The following FSTL5 variants were observed in gnomAD, a reference collection of about 807,000 sequenced individuals.
The protein encoded by FSTL5 is follistatin like 5, also known as follistatin-related protein 5.
A neutral mutation model predicts 89.1 loss-of-function variants in FSTL5; 62 were observed. The observed-to-expected ratio is 0.70, with a 90% CI of 0.57 to 0.86. The LOEUF is 0.86. FSTL5 is among the 40% of genes least tolerant of loss of function. FSTL5 has a pLI of 0.00. For synonymous variants in FSTL5, 383 were observed against 346.2 expected (o/e 1.11, Z -1.18); for missense variants, 1,057 against 1,001.6 (o/e 1.06, Z -0.75).
At chr4:161,736,772 G>A (rs1739831519) in intron 6 of FSTL5, among the ~76,000 whole-genome samples, 1 of 152,002 alleles carries the variant, frequency 6.6e-6, no homozygotes, top group African/African-American at 2.4e-5. Context: ...CTCTGTATGG[G>A]GTTAAATTGT....
chr4:161,525,747 C>T (rs893582856), intron 10 of FSTL5, among the ~76,000 whole-genome samples: 14 of 152,198 alleles, frequency 9.2e-5, no homozygotes, highest in East Asian at 1.9e-4. Context: ...GGCAGTAAAA[C>T]GAACACTACT....
intron 7 of FSTL5, among the ~76,000 whole-genome samples, chr4:161,597,920 C>T (rs371496086): frequency 7.9e-5 from 12 of 152,058 alleles, no homozygotes; most frequent in East Asian, 3.9e-4. Context: ...ATACAACATA[C>T]GACATGAACA....
intron 2 of FSTL5, among the ~76,000 whole-genome samples, chr4:162,089,632 CAAAAAAAA>C (rs755573032): frequency 2.3e-5 from 1 of 42,582 alleles, no homozygotes; most frequent in Admixed American, 2.6e-4. Context: ...GAATCTGTCT[CAAAAAAAA>C]AAAAAAAAAA....
At chr4:162,006,665 A>T (rs1736625856) in intron 3 of FSTL5, among the ~76,000 whole-genome samples, 1 of 151,934 alleles carries the variant, frequency 6.6e-6, no homozygotes, top group African/African-American at 2.4e-5. Flanking sequence ...CTAAATAGCT[A>T]AATATTTAAT....
chr4:161,586,884 A>C (rs1733635005), intron 8 of FSTL5, among the ~76,000 whole-genome samples: 1 of 152,194 alleles, frequency 6.6e-6, no homozygotes, highest in Non-Finnish European at 1.5e-5. Context: ...ATATGTTACA[A>C]TAAATTATGG....
At chr4:161,875,458 C>T (rs934852429) in intron 4 of FSTL5, among the ~76,000 whole-genome samples, 6 of 152,144 alleles carry the variant, frequency 3.9e-5, no homozygotes, top group Non-Finnish European at 8.8e-5. Flanking sequence ...TGGCTGCTTT[C>T]TGCAACCAAT....
rs1052772658 is a variant in FSTL5, at chr4:161,638,423, C to G, written c.894+17905G>C. On this transcript the variant is annotated intron_variant, in intron 7 of 15. Transcript: ENST00000306100. ...TGTCGTCTGCAAACAGGGACAATTT[C>G]ACTTCCTCTTTTCCTAATTGAATAC... is the stretch of plus-strand genomic sequence containing the variant. Among the ~76,000 whole-genome samples the G allele has an allele frequency of 1.4e-4, 22 of 152,168 alleles. No individual in the cohort carries two copies. The East Asian group carries it at 1.7e-3, about 12-fold the overall frequency.
intron 1 of FSTL5, among the ~76,000 whole-genome samples, chr4:162,141,660 G>A (rs137945115): frequency 0.027 from 4,098 of 152,296 alleles, 70 homozygotes; most frequent in Non-Finnish European, 0.042. Context: ...AATTCTGCAG[G>A]ACAAGCATGT....
intron 6 of FSTL5, among the ~76,000 whole-genome samples, chr4:161,672,381 C>T (rs1737147331): frequency 2.0e-5 from 3 of 152,122 alleles, no homozygotes; most frequent in Non-Finnish European, 2.9e-5. Flanking sequence ...AGGAAGACAA[C>T]GCCCCATCTC....
chr4:161,456,923 G>A (rs1156831676), intron 14 of FSTL5, among the ~76,000 whole-genome samples: 3 of 152,136 alleles, frequency 2.0e-5, no homozygotes, highest in East Asian at 1.9e-4. Flanking sequence ...ACATTCTAGA[G>A]TAATGATGAT....
At chr4:161,658,703 C>CT (rs1371388211) in intron 6 of FSTL5, among the ~76,000 whole-genome samples, 2 of 152,070 alleles carry the variant, frequency 1.3e-5, no homozygotes, top group Non-Finnish European at 2.9e-5. Context: ...GTGTTCATGT[C>CT]TTTTTTAATG....
At chr4:161,743,532 G>C (rs1203789489) in intron 6 of FSTL5, among the ~76,000 whole-genome samples, 2 of 151,862 alleles carry the variant, frequency 1.3e-5, no homozygotes, top group African/African-American at 2.4e-5. Context: ...GGCTATGTAG[G>C]ACTCCATGCG....
intron 3 of FSTL5, among the ~76,000 whole-genome samples, chr4:161,947,291 T>C (rs941779412): frequency 1.3e-5 from 2 of 150,356 alleles, no homozygotes; most frequent in Non-Finnish European, 3.0e-5. Context: ...TGTTGCTTTT[T>C]GTGTGCTATG....
chr4:161,501,781 T>C (rs1487907078), intron 11 of FSTL5, among the ~76,000 whole-genome samples: 1 of 151,984 alleles, frequency 6.6e-6, no homozygotes, highest in Non-Finnish European at 1.5e-5. Flanking sequence ...ATAATCATAG[T>C]TGTGTTTAAA....
At chr4:161,860,067 T>A (rs1212164129) in intron 4 of FSTL5, among the ~76,000 whole-genome samples, 1 of 152,142 alleles carries the variant, frequency 6.6e-6, no homozygotes, top group East Asian at 1.9e-4. Context: ...GGTGGGCGGA[T>A]CACAAGGTCA....
intron 4 of FSTL5, among the ~76,000 whole-genome samples, chr4:161,798,698 T>G (rs1729706055): frequency 6.6e-6 from 1 of 151,796 alleles, no homozygotes; most frequent in South Asian, 2.1e-4. Context: ...CACTGATTTT[T>G]ACTTCCAACA....
intron 6 of FSTL5, among the ~76,000 whole-genome samples, chr4:161,698,963 C>T (rs1188907969): frequency 6.6e-6 from 1 of 151,514 alleles, no homozygotes; most frequent in Non-Finnish European, 1.5e-5. Context: ...CAAAACAAAA[C>T]AAAACAAAAC....
chr4:162,056,529 G>T (rs1738548844), intron 2 of FSTL5, among the ~76,000 whole-genome samples: 1 of 152,024 alleles, frequency 6.6e-6, no homozygotes, highest in Non-Finnish European at 1.5e-5. Flanking sequence ...CGGTATATTT[G>T]TAAATGGGAT....
Position 161,385,999 on chromosome 4 carries a change from A to G in FSTL5, c.2292T>C (p.Thr764=), listed in dbSNP as rs757917841. The change falls in exon 16 of 16, where the codon ACT becomes ACC. Residue 764 remains threonine, a synonymous_variant. Coordinates refer to ENST00000306100, the MANE Select transcript of FSTL5 (RefSeq NM_020116.5). The stretch of plus-strand genomic sequence containing the variant: ...AAGAGAGCTCCACAAAGAGCACATC[A>G]GTTTGTGTGCTTGAACTACCGTAGA... ...YNIYGSSSTQ[T]DVLFVELSSG... is the part of the protein sequence containing the mutation. 3 of 1,614,000 alleles carry G rather than the reference A, an allele frequency of 1.9e-6. No individual in the cohort carries two copies. In the South Asian group the frequency reaches 3.3e-5, roughly 18 times the overall value.
Sources: gnomAD v4.1 joint callset for allele counts (sites outside exome capture counted in the v4.1 genomes callset) on GRCh38, gnomAD v4.1.1 for gene constraint, MANE v1.5 for transcripts, NCBI Gene and HGNC (gene_info 2026-07-23, HGNC 2026-07-21) for gene names.